GAS2: variants seen among roughly 807,000 people sequenced by gnomAD.
GAS2 encodes growth arrest specific 2.
In GAS2, 20 loss-of-function variants were observed where a neutral mutation model predicts 37.5. That is an observed-to-expected ratio of 0.53 (90% CI 0.37 to 0.77). The LOEUF (loss-of-function observed/expected upper bound fraction) is 0.77, where lower values mean the gene tolerates loss of function less well. Ranked by LOEUF, GAS2 falls within the 30% of genes least tolerant of loss-of-function variation. GAS2 has a pLI of 0.00. For synonymous variants in GAS2, 144 were observed against 132.2 expected, an observed-to-expected ratio of 1.09 and a Z score of -0.61; for missense variants, 336 against 373.4, an observed-to-expected ratio of 0.90 and a Z score of 0.82.
At chr11:22,696,049 G>A (rs894502280) in intron 3 of GAS2, among the ~76,000 whole-genome samples, 15 of 151,178 alleles carry the variant, frequency 9.9e-5, no homozygotes, top group African/African-American at 2.7e-4. Context: ...CCATTAACTC[G>A]TCATGTAGCA....
Position 22,749,265 on chromosome 11 carries a change from A to C in GAS2, c.615+4A>C. 6.2e-7 allele frequency: 1 copy of C among 1,609,608 alleles called. No homozygotes were observed. Among genetic ancestry groups the C allele is most frequent in the Non-Finnish European group, 8.5e-7 (1 of 1,178,060 alleles). On this transcript the variant is annotated splice_donor_region_variant and intron_variant, in intron 6 of 7. Coordinates refer to ENST00000454584, the MANE Select transcript of GAS2 (RefSeq NM_001143830.3). ...AGGAAACTTACTGGATGATGCAGTA[A>C]GTAAAATCAGTCAGACTTCTTACCA...
intron 4 of GAS2, among the ~76,000 whole-genome samples, chr11:22,734,641 A>AT (rs1358369311): frequency 6.6e-6 from 1 of 151,782 alleles, no homozygotes; most frequent in Non-Finnish European, 1.5e-5. Context: ...GTTATTTTCT[A>AT]TGTGCCAAGT....
At chr11:22,699,194 G>T (rs1463477317) in intron 3 of GAS2, among the ~76,000 whole-genome samples, 1 of 152,058 alleles carries the variant, frequency 6.6e-6, no homozygotes, top group Non-Finnish European at 1.5e-5. Flanking sequence ...TGGTACCAAA[G>T]AAATTTTTGG....
chr11:22,653,371 A>G (rs1313333052), intron 1 of GAS2, among the ~76,000 whole-genome samples: 1 of 152,194 alleles, frequency 6.6e-6, no homozygotes, highest in African/African-American at 2.4e-5. Context: ...TGAGGACTCA[A>G]TGAAATGTTT....
chr11:22,792,233 T>A (rs547078842), intron 7 of GAS2, among the ~76,000 whole-genome samples: 72 of 152,142 alleles, frequency 4.7e-4, no homozygotes, highest in Non-Finnish European at 9.4e-4. Context: ...AGCTGGGCCC[T>A]AATTAGATAA....
At chr11:22,784,244 C>T (rs1855718101) in intron 7 of GAS2, among the ~76,000 whole-genome samples, 1 of 152,114 alleles carries the variant, frequency 6.6e-6, no homozygotes, top group Admixed American at 6.6e-5. Flanking sequence ...GAAGTCAAGA[C>T]TCAACTGATT....
intron 6 of GAS2, among the ~76,000 whole-genome samples, chr11:22,752,651 GGAGGAGGAAAAAGAGAAA>G (rs377600029): frequency 7.4e-4 from 112 of 151,276 alleles, no homozygotes; most frequent in African/African-American, 2.6e-3. Flanking sequence ...AAAAAGAAAA[GGAGGAGGAAAAAGAGAAA>G]GAGGAGGAGT....
In GAS2 at chr11:22,785,321, G is replaced by A. The variant is rs576238057; in HGVS notation, c.724-26477G>A. The stretch of plus-strand genomic sequence containing the variant: ...TCCATTCATCCTGGGTGAAGGAAGA[G>A]TGTGTCTTTTCTCCCACTCCTACCT... On this transcript the variant is annotated intron_variant, in intron 7 of 7. Coordinates refer to ENST00000454584, the MANE Select transcript of GAS2 (RefSeq NM_001143830.3). Among the ~76,000 whole-genome samples, 4 of 152,232 alleles carry A rather than the reference G, an allele frequency of 2.6e-5. No homozygotes were observed. In the South Asian group the frequency reaches 8.3e-4, roughly 32 times the overall value.
At chr11:22,713,263 C>A (rs1851500685) in intron 3 of GAS2, among the ~76,000 whole-genome samples, 1 of 151,570 alleles carries the variant, frequency 6.6e-6, no homozygotes, top group African/African-American at 2.4e-5. Flanking sequence ...AGAAAAAATT[C>A]AGAGCTCAAA....
chr11:22,722,717 A>C (rs181325203), intron 3 of GAS2, among the ~76,000 whole-genome samples: 2 of 151,986 alleles, frequency 1.3e-5, no homozygotes, highest in Admixed American at 6.6e-5. Flanking sequence ...GGGGATGTAA[A>C]AATTCTAATA....
chr11:22,700,450 C>T (rs146491848), intron 3 of GAS2, among the ~76,000 whole-genome samples: 251 of 152,092 alleles, frequency 1.7e-3, no homozygotes, highest in Middle Eastern at 6.8e-3. Context: ...GTCGTAAAGA[C>T]GGAAGATTTG....
At chr11:22,736,797 G>A (rs1424137694) in intron 4 of GAS2, among the ~76,000 whole-genome samples, 4 of 151,910 alleles carry the variant, frequency 2.6e-5, no homozygotes, top group African/African-American at 7.2e-5. Flanking sequence ...ATGTGTCAGT[G>A]TAAGACTGTT....
intron 7 of GAS2, among the ~76,000 whole-genome samples, chr11:22,769,565 G>A (rs1156630705): frequency 6.6e-6 from 1 of 152,184 alleles, no homozygotes; most frequent in Non-Finnish European, 1.5e-5. Flanking sequence ...AAAAGAGAAA[G>A]TAGCCTTAAA....
intron 3 of GAS2, among the ~76,000 whole-genome samples, chr11:22,691,693 A>C (rs1554970208): frequency 6.6e-6 from 1 of 152,138 alleles, no homozygotes; most frequent in Non-Finnish European, 1.5e-5. Context: ...GAAAGAAATA[A>C]TTTTTTTATA....
chr11:22,688,056 T>C (rs1031496795), intron 3 of GAS2, among the ~76,000 whole-genome samples: 1 of 152,234 alleles, frequency 6.6e-6, no homozygotes, highest in African/African-American at 2.4e-5. Flanking sequence ...AGATTTGTAA[T>C]TGTAAGACTC....
chr11:22,715,460 C>CA (rs1192862614), intron 3 of GAS2, among the ~76,000 whole-genome samples: 22,666 of 41,720 alleles, frequency 0.54, 8,039 homozygotes, highest in Middle Eastern at 0.68. Flanking sequence ...GACTCTGTCT[C>CA]AAAAAAAAAA....
At chr11:22,788,477 C>A (rs926731403) in intron 7 of GAS2, among the ~76,000 whole-genome samples, 1 of 152,112 alleles carries the variant, frequency 6.6e-6, no homozygotes. Context: ...CCAGTGTAAG[C>A]ACTTGTATCC....
chr11:22,789,455 T>TATATATATATATATATATATATATA (rs1473995198), intron 7 of GAS2, among the ~76,000 whole-genome samples: 1 of 80,510 alleles, frequency 1.2e-5, no homozygotes, highest in Non-Finnish European at 2.7e-5. Context: ...TATATATATA[T>TATATATATATATATATATATATATA]TCTTTTTTTT....
intron 7 of GAS2, among the ~76,000 whole-genome samples, chr11:22,808,171 A>G (rs7111430): frequency 0.019 from 2,868 of 152,302 alleles, 72 homozygotes; most frequent in African/African-American, 0.061. Context: ...CACAAAATCA[A>G]TCAACAAAGA....
Sources: gnomAD v4.1 joint callset for allele counts (sites outside exome capture counted in the v4.1 genomes callset) on GRCh38, gnomAD v4.1.1 for gene constraint, MANE v1.5 for transcripts, NCBI Gene and HGNC (gene_info 2026-07-23, HGNC 2026-07-21) for gene names.